The following SUPT7L variants were observed in gnomAD, a reference collection of about 807,000 sequenced individuals.
SUPT7L encodes STAGA complex 65 subunit gamma.
SUPT7L carries 15 observed loss-of-function variants against 35.7 expected under a neutral mutation model. The ratio of observed to expected loss-of-function variants is 0.42; its 90% confidence interval spans 0.28 to 0.65. The LOEUF (loss-of-function observed/expected upper bound fraction) is 0.65, where lower values mean the gene tolerates loss of function less well. Ranked by LOEUF, SUPT7L falls within the 30% of genes least tolerant of loss-of-function variation. SUPT7L has a pLI of 0.23. For missense variants in SUPT7L, 434 were observed against 522.2 expected, an observed-to-expected ratio of 0.83 and a Z score of 1.65; for synonymous variants, 168 against 186.2, an observed-to-expected ratio of 0.90 and a Z score of 0.79.
At position 27,653,425 on chromosome 2, in the gene SUPT7L, T is replaced by C. The variant is rs1016912003; in HGVS notation, c.*60A>G. On this transcript the variant is annotated 3_prime_UTR_variant, in exon 6 of 6. Transcript: ENST00000337768. ...CAATTTTTAAGGAAACAGATTCTAA[T>C]ACAAAAACCTTTTCTGTTGGGTCTA... 7.1e-6 allele frequency: 11 copies of C among 1,548,906 alleles called. No homozygotes were observed. The highest frequency in any genetic ancestry group is 1.4e-5 in the African/African-American group (1 of 72,622).
chr2:27,646,291 TTC>T, downstream of SUPT7L, among the ~76,000 whole-genome samples: 1 of 151,936 alleles, frequency 6.6e-6, no homozygotes, highest in African/African-American at 2.4e-5. Context: ...ATCTGCCCAT[TTC>T]AGCCTCCCAA....
chr2:27,659,043 AAT>A (rs1356495437), intron 3 of SUPT7L, among the ~76,000 whole-genome samples: 7 of 152,264 alleles, frequency 4.6e-5, no homozygotes, highest in Non-Finnish European at 1.0e-4. Context: ...GCATCAATTT[AAT>A]ATGATAGATA....
At chr2:27,650,020 G>T, downstream of SUPT7L, 1 of 722,280 alleles carries the variant, frequency 1.4e-6, no homozygotes. Flanking sequence ...AAGTTTCTTA[G>T]AAGTAATGTA....
intron 3 of SUPT7L, 124 bp downstream of exon 3, chr2:27,660,860 T>G: frequency 7.7e-7 from 1 of 1,300,680 alleles, no homozygotes; most frequent in Non-Finnish European, 1.0e-6. Flanking sequence ...GGAGAAACCT[T>G]GGCCAAGTCA....
intron 5 of SUPT7L, among the ~76,000 whole-genome samples, chr2:27,654,118 T>TC (rs1018337564): frequency 3.3e-5 from 5 of 152,144 alleles, no homozygotes; most frequent in African/African-American, 4.8e-5. Context: ...CTTCCTTCCT[T>TC]CTTTTATGGG....
chr2:27,647,048 G>A (rs181641995), downstream of SUPT7L, among the ~76,000 whole-genome samples: 1 of 149,568 alleles, frequency 6.7e-6, no homozygotes, highest in East Asian at 1.9e-4. Flanking sequence ...CACAAGTATA[G>A]TTGCATAATT....
rs1341904964 is a variant in SUPT7L, at chr2:27,661,054, G to A, written c.349C>T (p.Pro117Ser). Residue 117 changes from proline (P) to serine (S), a missense_variant, in exon 3 of 6, where the codon CCT (proline) becomes TCT (serine). Transcript: ENST00000337768. ...GCATTGGGATTCTTACAATCTAAAG[G>A]CAGGAGGTCATCAGGGAGAGGAGGT... ...GSPPLPDDLL[P>S]LDCKNPNAPF... 6.2e-7 allele frequency: 1 copy of A among 1,614,036 alleles called. No homozygotes were observed. The highest frequency in any genetic ancestry group is 1.3e-5 in the African/African-American group (1 of 74,896).
At chr2:27,643,962 T>C in the SUPT7L span, among the ~76,000 whole-genome samples, 3 of 152,170 alleles carry the variant, frequency 2.0e-5, no homozygotes, top group Admixed American at 2.0e-4. The surrounding 1 kb of genome is among the most constrained non-coding windows in gnomAD (Gnocchi z 4.0). Flanking sequence ...GTGGATCACT[T>C]GAGGTCAGGA....
chr2:27,648,027 G>A (rs1674324973), downstream of SUPT7L: 4 of 760,636 alleles, frequency 5.3e-6, no homozygotes, highest in Non-Finnish European at 9.4e-6. Context: ...TGCTTTAAGC[G>A]TGTAGCCAGT....
At chr2:27,648,018 G>C (rs1412697480), downstream of SUPT7L, 17 of 829,394 alleles carry the variant, frequency 2.0e-5, no homozygotes, top group Non-Finnish European at 3.3e-5. Flanking sequence ...GGAGTTTCTT[G>C]CTTTAAGCGT....
downstream of SUPT7L, among the ~76,000 whole-genome samples, chr2:27,649,745 C>G (rs1674435493): frequency 6.6e-6 from 1 of 152,116 alleles, no homozygotes; most frequent in South Asian, 2.1e-4. Flanking sequence ...TGTGGATGTT[C>G]CACAGTTTGT....
downstream of SUPT7L, among the ~76,000 whole-genome samples, chr2:27,649,908 A>G (rs1381201424): frequency 2.0e-5 from 3 of 152,150 alleles, no homozygotes; most frequent in Non-Finnish European, 4.4e-5. Flanking sequence ...TTTAGCTACT[A>G]TGAGGGAGGT....
intron 1 of SUPT7L, 41 bp from the exon 2 acceptor site, chr2:27,662,322 T>G (rs779227517): frequency 2.9e-6 from 3 of 1,046,626 alleles, no homozygotes; most frequent in Non-Finnish European, 4.4e-6. Context: ...TATTTCAATA[T>G]GAAACATGGT....
downstream of SUPT7L, among the ~76,000 whole-genome samples, chr2:27,647,553 G>A (rs1363895662): frequency 6.6e-6 from 1 of 152,126 alleles, no homozygotes; most frequent in Non-Finnish European, 1.5e-5. Flanking sequence ...CTGTGAGCCA[G>A]TAAAAAAGAA....
Position 27,657,807 on chromosome 2 carries a change from A to G in SUPT7L, c.420-138T>C, listed in dbSNP as rs1674876522. The G allele has an allele frequency of 1.3e-6, 1 of 790,774 alleles. No individual in the cohort carries two copies. Among genetic ancestry groups the G allele is most frequent in the African/African-American group, 1.7e-5 (1 of 57,458 alleles). 49.0% of individuals were successfully genotyped at this position (790,774 alleles called of 1,614,324 possible). On this transcript the variant is annotated intron_variant, in intron 3 of 5. Coordinates refer to ENST00000337768, the MANE Select transcript of SUPT7L (RefSeq NM_014860.3). This position sits in a 1 kb window ranked among gnomAD's most constrained non-coding sequence, Gnocchi z 5.2. Reference sequence around the variant, plus strand: ...AAATTCCATCCAAGTTACATAGCTCAGTTTCATCCTGCTGCTATCTGGGCA... The same window carrying G: ...AAATTCCATCCAAGTTACATAGCTCGGTTTCATCCTGCTGCTATCTGGGCA...
chr2:27,656,581 T>A (rs1674813293), intron 4 of SUPT7L, among the ~76,000 whole-genome samples: 1 of 150,914 alleles, frequency 6.6e-6, no homozygotes, highest in African/African-American at 2.4e-5. Context: ...AGTCAAACCA[T>A]TATATTAGCT....
Position 27,657,398 on chromosome 2 carries a change from G to T in SUPT7L, c.691C>A (p.Leu231Ile). 1 of 1,614,256 alleles carries T rather than the reference G, an allele frequency of 6.2e-7. No individual in the cohort carries two copies. The highest frequency in any genetic ancestry group is 8.5e-7 in the Non-Finnish European group (1 of 1,180,048). The change falls in exon 4 of 6, where the codon CTC becomes ATC. Residue 231 changes from leucine to isoleucine, a missense_variant. Physicochemically the swap from Leu to Ile is conservative, Grantham distance 5 (BLOSUM62 2). This residue lies in a region of SUPT7L where 198 missense variants were observed against 190.8 expected (regional missense o/e 1.04). Coordinates refer to ENST00000337768, the MANE Select transcript of SUPT7L (RefSeq NM_014860.3). The surrounding 1 kb of genome is among the most constrained non-coding windows in gnomAD (Gnocchi z 5.2). ...HEVGIGSVLSLQKFWQHRIKD... is the reference protein window; with the variant it reads ...HEVGIGSVLSIQKFWQHRIKD... ...ATGCGGTGCTGCCAGAACTTCTGGA[G>T]GGAGAGCACACTGCCAATACCCACT...
chr2:27,654,467 C>G (rs1674700056), intron 5 of SUPT7L, among the ~76,000 whole-genome samples: 1 of 152,204 alleles, frequency 6.6e-6, no homozygotes, highest in Non-Finnish European at 1.5e-5. Flanking sequence ...AGTGTCCAGA[C>G]TAATTTGCAA....
At chr2:27,644,462 T>C in the SUPT7L span, among the ~76,000 whole-genome samples, 1 of 152,304 alleles carries the variant, frequency 6.6e-6, no homozygotes, top group South Asian at 2.1e-4. Flanking sequence ...GTCAAATTGA[T>C]CTATCTTTTA....
Sources: gnomAD v4.1 joint callset for allele counts (sites outside exome capture counted in the v4.1 genomes callset) on GRCh38, gnomAD v4.1.1 for gene constraint, gnomAD v4.1.1 regional missense constraint, Gnocchi (gnomAD v3.1) non-coding constraint, MANE v1.5 for transcripts, NCBI Gene and HGNC (gene_info 2026-07-23, HGNC 2026-07-21) for gene names.